RALA: variants seen among roughly 807,000 people sequenced by gnomAD.
RALA encodes the protein ras-related protein Ral-A.
Under a neutral mutation model 24.0 loss-of-function variants are expected in RALA, and 5 were observed. That is an observed-to-expected ratio of 0.21 (90% CI 0.11 to 0.44). RALA has a LOEUF of 0.44. RALA is among the 20% of genes least tolerant of loss of function. The pLI is 0.99. For synonymous variants in RALA, 77 were observed against 83.8 expected (o/e 0.92, Z 0.44); for missense variants, 95 against 241.2 (o/e 0.39, Z 4.01).
intron 1 of RALA, among the ~76,000 whole-genome samples, chr7:39,671,026 G>A (rs2329464): frequency 0.71 from 107,633 of 151,840 alleles, 39,184 homozygotes; most frequent in African/African-American, 0.88. Flanking sequence ...TTAAATTCTC[G>A]CTTTCCTTTA....
intron 1 of RALA, among the ~76,000 whole-genome samples, chr7:39,636,884 G>T (rs1009650205): frequency 1.3e-5 from 2 of 152,126 alleles, no homozygotes; most frequent in Non-Finnish European, 2.9e-5. Flanking sequence ...TAAACCATCA[G>T]ATCTCATGAG....
chr7:39,627,090 A>T (rs546120034), intron 1 of RALA, among the ~76,000 whole-genome samples: 23 of 147,064 alleles, frequency 1.6e-4, no homozygotes, highest in Admixed American at 4.0e-4. Flanking sequence ...TTTTTTTTTT[A>T]AAAGATGTAC....
chr7:39,649,722 A>G (rs1255654406), intron 1 of RALA, among the ~76,000 whole-genome samples: 1 of 152,218 alleles, frequency 6.6e-6, no homozygotes, highest in East Asian at 1.9e-4. Context: ...CAGCAACTCA[A>G]ACAGCCTAAG....
chr7:39,642,933 A>G (rs1791846836), intron 1 of RALA, among the ~76,000 whole-genome samples: 1 of 152,176 alleles, frequency 6.6e-6, no homozygotes, highest in African/African-American at 2.4e-5. Flanking sequence ...TTAGTTTCTA[A>G]CCATCCTGAT....
chr7:39,669,628 A>G (rs1357470627), intron 1 of RALA, among the ~76,000 whole-genome samples: 4 of 152,270 alleles, frequency 2.6e-5, no homozygotes, highest in South Asian at 2.1e-4. Context: ...CCTGAGCAAC[A>G]TAGTGAGACC....
chr7:39,674,581 A>G (rs1792446089), intron 1 of RALA, among the ~76,000 whole-genome samples: 1 of 152,154 alleles, frequency 6.6e-6, no homozygotes, highest in African/African-American at 2.4e-5. Context: ...CTGTTAGCCT[A>G]GCTTGCTAAA....
rs369855475 is a variant in RALA at position 39,641,021 on chromosome 7, GC to G, written c.-38+17199del. On this transcript the variant is annotated intron_variant, in intron 1 of 4. Coordinates refer to ENST00000005257, the MANE Select transcript of RALA (RefSeq NM_005402.4). ...TCAGCAGAGACAGTCTTCCTCACTAGCCCTATCAGAAGAGCCCAAGAAATGG... is the reference window on the plus strand; with the variant it reads ...TCAGCAGAGACAGTCTTCCTCACTAGCCTATCAGAAGAGCCCAAGAAATGG... Among the ~76,000 whole-genome samples, 23 of 152,238 alleles carry G rather than the reference GC, an allele frequency of 1.5e-4. No homozygotes were observed. In the South Asian group the frequency reaches 4.4e-3, roughly 29 times the overall value.
chr7:39,670,416 G>A (rs1792360015), intron 1 of RALA, among the ~76,000 whole-genome samples: 2 of 152,050 alleles, frequency 1.3e-5, no homozygotes, highest in African/African-American at 4.8e-5. Flanking sequence ...CAAAATGCTG[G>A]GATTATAGGT....
chr7:39,628,491 T>G (rs557112114), intron 1 of RALA, among the ~76,000 whole-genome samples: 1 of 152,302 alleles, frequency 6.6e-6, no homozygotes, highest in African/African-American at 2.4e-5. Flanking sequence ...CATGGCACCC[T>G]TATTATCGCA....
chr7:39,658,862 C>T (rs370976154), intron 1 of RALA, among the ~76,000 whole-genome samples: 5 of 151,932 alleles, frequency 3.3e-5, no homozygotes, highest in African/African-American at 7.3e-5. Flanking sequence ...GAACTACAGG[C>T]GTGCGCCACC....
chr7:39,641,766 G>A (rs1432002321), intron 1 of RALA, among the ~76,000 whole-genome samples: 1 of 152,118 alleles, frequency 6.6e-6, no homozygotes, highest in African/African-American at 2.4e-5. Flanking sequence ...TGTTATTGAT[G>A]TAGTTTTTGT....
chr7:39,696,457 C>G (rs1449786548), intron 3 of RALA, among the ~76,000 whole-genome samples: 1 of 152,210 alleles, frequency 6.6e-6, no homozygotes, highest in Non-Finnish European at 1.5e-5. Flanking sequence ...ATGTGGCAAC[C>G]TGGATGGGAT....
At chr7:39,629,477 C>T (rs1299650479) in intron 1 of RALA, among the ~76,000 whole-genome samples, 4 of 152,182 alleles carry the variant, frequency 2.6e-5, no homozygotes, top group African/African-American at 7.2e-5. Context: ...TGCAGTGGCA[C>T]GATCTCTGCT....
intron 2 of RALA, among the ~76,000 whole-genome samples, 192 bp from the exon 3 acceptor site, chr7:39,690,190 T>C (rs1372787695): frequency 6.6e-6 from 1 of 152,198 alleles, no homozygotes. Context: ...CCCTCTCTGT[T>C]TGCAAATGAG....
At chr7:39,653,044 T>A (rs955806944) in intron 1 of RALA, among the ~76,000 whole-genome samples, 7 of 150,330 alleles carry the variant, frequency 4.7e-5, no homozygotes, top group Admixed American at 2.0e-4. Flanking sequence ...TATTATTATT[T>A]TTTGAGACGG....
intron 4 of RALA, among the ~76,000 whole-genome samples, chr7:39,699,290 G>A (rs1000618064): frequency 1.4e-4 from 21 of 150,138 alleles, no homozygotes; most frequent in African/African-American, 4.4e-4. Flanking sequence ...ACAGGCGCCC[G>A]CCACCGCGCC....
rs1791423078 is a variant in RALA, at chr7:39,623,833, A to T, written c.-38+8A>T. ...GACTGGCTCGCGGTGCAGGTGAGCGATGCCCGCTCGGGCCGCCCGGGGAGG... is the reference window on the plus strand; with the variant it reads ...GACTGGCTCGCGGTGCAGGTGAGCGTTGCCCGCTCGGGCCGCCCGGGGAGG... On this transcript the variant is annotated splice_region_variant and intron_variant, in intron 1 of 4. Transcript: ENST00000005257. The surrounding 1 kb of genome is among the most constrained non-coding windows in gnomAD (Gnocchi z 4.9). The T allele has an allele frequency of 1.3e-5, 2 of 151,654 alleles. No homozygotes were observed. Among genetic ancestry groups the T allele is most frequent in the Non-Finnish European group, 2.9e-5 (2 of 67,936 alleles). 9.4% of individuals were successfully genotyped at this position (151,654 alleles called of 1,614,324 possible).
Position 39,632,782 on chromosome 7 carries a change from C to T in RALA, c.-38+8957C>T, listed in dbSNP as rs914633716. ...AATGAGCTGAGATCATGCCACTGCA[C>T]TCCAGGCTGGGTGACAGAGTGAGAC... On this transcript the variant is annotated intron_variant, in intron 1 of 4. Transcript: ENST00000005257. 7.2e-5 allele frequency among the ~76,000 whole-genome samples: 11 copies of T among 152,160 alleles called. No homozygotes were observed. In the South Asian group the frequency reaches 8.3e-4, roughly 11 times the overall value.
intron 1 of RALA, among the ~76,000 whole-genome samples, chr7:39,676,962 G>A (rs1792498220): frequency 6.6e-6 from 1 of 152,172 alleles, no homozygotes; most frequent in South Asian, 2.1e-4. Flanking sequence ...TGGCAAAAAG[G>A]AATTCTGCCA....
Sources: gnomAD v4.1 joint callset for allele counts (sites outside exome capture counted in the v4.1 genomes callset) on GRCh38, gnomAD v4.1.1 for gene constraint, Gnocchi (gnomAD v3.1) non-coding constraint, MANE v1.5 for transcripts, NCBI Gene and HGNC (gene_info 2026-07-23, HGNC 2026-07-21) for gene names.